PDIA5: variants seen among roughly 807,000 people sequenced by gnomAD.
The protein encoded by PDIA5 is protein disulfide isomerase family A member 5, also known as protein disulfide-isomerase A5.
Under a neutral mutation model 77.6 loss-of-function variants are expected in PDIA5, and 58 were observed. That is an observed-to-expected ratio of 0.75 (90% CI 0.61 to 0.93). The LOEUF (loss-of-function observed/expected upper bound fraction) is 0.93, where lower values mean the gene tolerates loss of function less well. PDIA5 is among the 40% of genes least tolerant of loss of function. PDIA5 has a pLI of 0.00. For missense variants in PDIA5, 630 were observed against 647.7 expected (o/e 0.97, Z 0.30); for synonymous variants, 250 against 252.1 (o/e 0.99, Z 0.08).
chr3:123,089,004 G>A, intron 1 of PDIA5, 164 bp from the exon 2 acceptor site: 1 of 595,100 alleles, frequency 1.7e-6, no homozygotes, highest in Non-Finnish European at 2.9e-6. Flanking sequence ...GTGGGCTGGG[G>A]AGTGTCCCTA....
At chr3:123,132,675 ACTCCCTGGCCAGC>A (rs1489105595) in intron 11 of PDIA5, among the ~76,000 whole-genome samples, 8 of 151,528 alleles carry the variant, frequency 5.3e-5, no homozygotes, top group African/African-American at 1.9e-4. Context: ...TATAAAATAC[ACTCCCTGGCCAGC>A]CTCAGAGCTG....
At chr3:123,106,712 C>A in intron 5 of PDIA5, 37 bp from the exon 6 acceptor site, 1 of 1,477,428 alleles carries the variant, frequency 6.8e-7, no homozygotes, top group Non-Finnish European at 9.5e-7. Context: ...CTTTTCAGGG[C>A]TAAAATGCAT....
chr3:123,145,510 C>T lies in PDIA5; in HGVS notation c.911-12C>T. The T allele has an allele frequency of 6.2e-7, 1 of 1,612,032 alleles. No individual in the cohort carries two copies. The highest frequency in any genetic ancestry group is 8.5e-7 in the Non-Finnish European group (1 of 1,178,102). ...TGCCATAAGAATGGTTTCTCTTGAT[C>T]TCTCCCCACAGGGTGTGGCCACTGT... On this transcript the variant is annotated splice_polypyrimidine_tract_variant and intron_variant, in intron 11 of 16. Coordinates refer to ENST00000316218, the MANE Select transcript of PDIA5 (RefSeq NM_006810.4).
At chr3:123,101,643 A>G (rs1057500779) in intron 3 of PDIA5, among the ~76,000 whole-genome samples, 1 of 152,194 alleles carries the variant, frequency 6.6e-6, no homozygotes, top group Non-Finnish European at 1.5e-5. Context: ...CAGAGCTCCA[A>G]AAACAAAAAT....
intron 10 of PDIA5, among the ~76,000 whole-genome samples, chr3:123,124,614 T>G (rs1391199503): frequency 7.2e-5 from 11 of 152,158 alleles, no homozygotes; most frequent in Admixed American, 3.3e-4. Flanking sequence ...CTCCCCTACC[T>G]CCCGTCTCCA....
intron 1 of PDIA5, among the ~76,000 whole-genome samples, chr3:123,074,246 T>A (rs1170694171): frequency 6.6e-6 from 1 of 152,198 alleles, no homozygotes; most frequent in Non-Finnish European, 1.5e-5. Context: ...ACAGACACCA[T>A]CTCTTTCTCT....
intron 14 of PDIA5, among the ~76,000 whole-genome samples, chr3:123,151,120 C>T (rs969206349): frequency 6.6e-6 from 1 of 152,222 alleles, no homozygotes; most frequent in Non-Finnish European, 1.5e-5. Context: ...CCCCCGTCCC[C>T]ACCTTTCAAG....
intron 6 of PDIA5, among the ~76,000 whole-genome samples, chr3:123,110,109 C>A (rs997604462): frequency 6.6e-6 from 1 of 152,168 alleles, no homozygotes; most frequent in East Asian, 1.9e-4. Flanking sequence ...CACTGCAGTC[C>A]TTGATAGAGT....
intron 13 of PDIA5, among the ~76,000 whole-genome samples, chr3:123,149,957 A>G (rs1464698146): frequency 6.6e-6 from 1 of 152,150 alleles, no homozygotes; most frequent in Non-Finnish European, 1.5e-5. Context: ...GTGGCCCACA[A>G]CTGGGGGGGC....
intron 1 of PDIA5, among the ~76,000 whole-genome samples, chr3:123,069,628 T>C (rs1560487629): frequency 1.3e-5 from 2 of 152,088 alleles, no homozygotes; most frequent in Admixed American, 6.5e-5. Context: ...TCTCATATGA[T>C]AGAAAGAAGA....
At chr3:123,069,259 G>C (rs545872366) in intron 1 of PDIA5, among the ~76,000 whole-genome samples, 1 of 152,280 alleles carries the variant, frequency 6.6e-6, no homozygotes, top group South Asian at 2.1e-4. Flanking sequence ...TATTTACTGA[G>C]GGCTGATATG....
chr3:123,099,584 G>T (rs1934530669), intron 3 of PDIA5, among the ~76,000 whole-genome samples: 1 of 152,230 alleles, frequency 6.6e-6, no homozygotes. Flanking sequence ...GCTTGCTCAG[G>T]TGGAGTGAGG....
chr3:123,134,212 C>G (rs551797586), intron 11 of PDIA5, among the ~76,000 whole-genome samples: 209 of 152,214 alleles, frequency 1.4e-3, no homozygotes, highest in Non-Finnish European at 2.3e-3. Context: ...TTTGTAAAGA[C>G]GGGGTCTCAC....
chr3:123,146,571 A>G (rs1171258276), intron 13 of PDIA5, among the ~76,000 whole-genome samples: 1 of 152,210 alleles, frequency 6.6e-6, no homozygotes, highest in Non-Finnish European at 1.5e-5. Context: ...CTTTGAATAA[A>G]TGAAGGAGAC....
intron 1 of PDIA5, among the ~76,000 whole-genome samples, chr3:123,074,800 GATAAA>G (rs1933808072): frequency 7.9e-5 from 12 of 152,268 alleles, no homozygotes; most frequent in Admixed American, 2.0e-4. Flanking sequence ...GGTTAGTGAA[GATAAA>G]GATGTCATTT....
At chr3:123,076,793 C>T (rs1458987719) in intron 1 of PDIA5, among the ~76,000 whole-genome samples, 1 of 152,236 alleles carries the variant, frequency 6.6e-6, no homozygotes, top group Non-Finnish European at 1.5e-5. Context: ...GCACACCAAG[C>T]TGGCGGTGAT....
chr3:123,145,574 C>T lies in PDIA5; in HGVS notation c.963C>T (p.Ala321=), dbSNP rs1935747092. 1 of 1,613,516 alleles carries T rather than the reference C, an allele frequency of 6.2e-7. No homozygotes were observed. Residue 321 remains alanine, a synonymous_variant, in exon 12 of 17, where the codon GCC becomes GCT. Transcript: ENST00000316218. ...MKPEFEKAAE[A]LHGEADSSGV... ...CGGAGTTTGAGAAGGCAGCAGAAGC[C>T]CTCCATGGAGAAGCGGATGTAAGCT...
At chr3:123,146,440 C>T (rs1312225834) in intron 13 of PDIA5, among the ~76,000 whole-genome samples, 181 bp downstream of exon 13, 1 of 152,240 alleles carries the variant, frequency 6.6e-6, no homozygotes, top group African/African-American at 2.4e-5. Context: ...GTGTCTTGAT[C>T]AGGTCACTGC....
chr3:123,106,919 C>G, intron 6 of PDIA5, 78 bp downstream of exon 6: 1 of 934,152 alleles, frequency 1.1e-6, no homozygotes, highest in Non-Finnish European at 1.7e-6. Context: ...AGGAGCCCAA[C>G]GAACTGAGAA....
Sources: gnomAD v4.1 joint callset for allele counts (sites outside exome capture counted in the v4.1 genomes callset) on GRCh38, gnomAD v4.1.1 for gene constraint, MANE v1.5 for transcripts, NCBI Gene and HGNC (gene_info 2026-07-23, HGNC 2026-07-21) for gene names.